Variants in ALDH1A2 observed in about 807,000 individuals in gnomAD.
The protein encoded by ALDH1A2 is aldehyde dehydrogenase 1 family member A2.
In ALDH1A2, 27 loss-of-function variants were observed where a neutral mutation model predicts 60.3. The observed-to-expected ratio is 0.45, with a 90% CI of 0.33 to 0.62. The LOEUF (loss-of-function observed/expected upper bound fraction) is 0.62. Ranked by LOEUF, ALDH1A2 falls within the 20% of genes least tolerant of loss-of-function variation. ALDH1A2 has a pLI of 0.02. For missense variants in ALDH1A2, 581 were observed against 643.8 expected, an observed-to-expected ratio of 0.90 and a Z score of 1.06; for synonymous variants, 289 against 232.4, an observed-to-expected ratio of 1.24 and a Z score of -2.21.
intron 12 of ALDH1A2, among the ~76,000 whole-genome samples, chr15:57,958,731 C>G (rs1249935081): frequency 6.6e-6 from 1 of 152,118 alleles, no homozygotes; most frequent in East Asian, 1.9e-4. Context: ...AGTTGGGGAC[C>G]AAGACAGAGC....
intron 4 of ALDH1A2, among the ~76,000 whole-genome samples, chr15:57,995,424 G>A (rs941273093): frequency 2.0e-5 from 3 of 151,702 alleles, no homozygotes; most frequent in Admixed American, 1.3e-4. Context: ...GTGGCAGAGG[G>A]GACAGCTGAA....
At chr15:57,975,042 A>C (rs1894201302) in intron 7 of ALDH1A2, among the ~76,000 whole-genome samples, 1 of 152,266 alleles carries the variant, frequency 6.6e-6, no homozygotes, top group South Asian at 2.1e-4. Context: ...TGAATGGCTA[A>C]AATGTAAAAG....
At chr15:58,027,426 A>G (rs1896110348) in intron 1 of ALDH1A2, among the ~76,000 whole-genome samples, 1 of 152,204 alleles carries the variant, frequency 6.6e-6, no homozygotes, top group South Asian at 2.1e-4. Context: ...TAAAACCACA[A>G]AGATGGGGAG....
intron 1 of ALDH1A2, 172 bp from the exon 2 acceptor site, chr15:58,014,453 C>T (rs1895732580): frequency 1.5e-6 from 1 of 675,368 alleles, no homozygotes; most frequent in African/African-American, 1.8e-5. Flanking sequence ...GGAATTTCCT[C>T]TATATTTTTG....
At chr15:57,986,696 G>T (rs1388004201) in intron 7 of ALDH1A2, among the ~76,000 whole-genome samples, 1 of 151,746 alleles carries the variant, frequency 6.6e-6, no homozygotes, top group Admixed American at 6.6e-5. Context: ...TTATTAGATG[G>T]AGTCTCACTC....
At chr15:58,038,732 G>A (rs1350371672) in intron 1 of ALDH1A2, 1 of 151,686 alleles carries the variant, frequency 6.6e-6, no homozygotes, top group Non-Finnish European at 1.5e-5. Context: ...TCAATATTGT[G>A]GTAGAAGGCA....
intron 8 of ALDH1A2, among the ~76,000 whole-genome samples, chr15:57,965,505 G>A (rs1596068132): frequency 6.6e-6 from 1 of 152,188 alleles, no homozygotes; most frequent in Non-Finnish European, 1.5e-5. Context: ...CAACATCACA[G>A]ATTCAAAATG....
intron 7 of ALDH1A2, chr15:57,980,437 G>A: frequency 2.9e-6 from 1 of 343,450 alleles, no homozygotes; most frequent in East Asian, 7.8e-5. Context: ...TGGGGAATGA[G>A]GCCGGCTGCA....
chr15:57,959,099 C>T (rs1254518840), intron 12 of ALDH1A2, among the ~76,000 whole-genome samples: 1 of 152,084 alleles, frequency 6.6e-6, no homozygotes, highest in East Asian at 1.9e-4. Flanking sequence ...CAATGAGGGA[C>T]CATGGATTAG....
chr15:58,029,430 C>A (rs1214885706), intron 1 of ALDH1A2, among the ~76,000 whole-genome samples: 10 of 152,026 alleles, frequency 6.6e-5, no homozygotes, highest in African/African-American at 2.4e-4. Flanking sequence ...TAAATGCCCA[C>A]AAGAGAAAGC....
chr15:58,054,708 C>T (rs1314105676), intron 1 of ALDH1A2, among the ~76,000 whole-genome samples: 2 of 152,138 alleles, frequency 1.3e-5, no homozygotes, highest in African/African-American at 4.8e-5. Flanking sequence ...CACATCCTCC[C>T]TCCCAAGTCA....
chr15:57,963,796 T>C, intron 9 of ALDH1A2, 89 bp downstream of exon 9: 1 of 1,381,956 alleles, frequency 7.2e-7, no homozygotes, highest in Non-Finnish European at 1.0e-6. Context: ...AAAAGGAAGA[T>C]GTCGCTTTGC....
At chr15:57,975,741 A>G (rs763689152) in intron 7 of ALDH1A2, among the ~76,000 whole-genome samples, 2 of 152,032 alleles carry the variant, frequency 1.3e-5, no homozygotes, top group African/African-American at 2.4e-5. Flanking sequence ...AAGAGTATAT[A>G]CTATATGTTG....
chr15:58,029,451 T>G (rs150234025), intron 1 of ALDH1A2, among the ~76,000 whole-genome samples: 2,816 of 152,186 alleles, frequency 0.019, 43 homozygotes, highest in Non-Finnish European at 0.027. Context: ...AGGAAAGATC[T>G]AAACTCAACC....
intron 4 of ALDH1A2, among the ~76,000 whole-genome samples, chr15:58,007,205 T>C (rs1283837344): frequency 1.3e-5 from 2 of 152,018 alleles, no homozygotes. Context: ...GATCAGAAGC[T>C]CACAGGAACC....
intron 12 of ALDH1A2, among the ~76,000 whole-genome samples, chr15:57,959,850 T>C (rs1385121360): frequency 2.0e-5 from 3 of 152,080 alleles, no homozygotes; most frequent in Non-Finnish European, 2.9e-5. Flanking sequence ...ATCTGAAGTA[T>C]GTAAATCCTC....
Position 58,013,854 on chromosome 15 carries a change from T to C in ALDH1A2, c.363+4A>G. Reference sequence around the variant, plus strand: ...AAGACTTAATGTTTTCTTAGGTTACTTACTGCAAGAACTGCCCTGTCCCGT... The same window carrying C: ...AAGACTTAATGTTTTCTTAGGTTACCTACTGCAAGAACTGCCCTGTCCCGT... On this transcript the variant is annotated splice_donor_region_variant and intron_variant, in intron 3 of 12. Coordinates refer to ENST00000249750, the MANE Select transcript of ALDH1A2 (RefSeq NM_003888.4). The C allele has an allele frequency of 1.2e-6, 2 of 1,614,180 alleles. No individual in the cohort carries two copies. Among genetic ancestry groups the C allele is most frequent in the Non-Finnish European group, 8.5e-7 (1 of 1,180,010 alleles).
intron 9 of ALDH1A2, 85 bp downstream of exon 9, chr15:57,963,800 G>A (rs192634964): frequency 2.6e-4 from 364 of 1,422,938 alleles, no homozygotes; most frequent in Non-Finnish European, 3.3e-4. Context: ...GGAAGATGTC[G>A]CTTTGCTGGG....
chr15:58,059,194 A>G (rs1188428945), intron 1 of ALDH1A2, among the ~76,000 whole-genome samples: 1 of 152,210 alleles, frequency 6.6e-6, no homozygotes, highest in Non-Finnish European at 1.5e-5. Context: ...GATCTCAAAG[A>G]TACAATTAAA....
Sources: allele counts gnomAD v4.1 joint callset (sites outside exome capture counted in the v4.1 genomes callset), GRCh38; gene constraint gnomAD v4.1.1; transcripts MANE v1.5; gene names NCBI Gene and HGNC (gene_info 2026-07-23, HGNC 2026-07-21).